The following BCL2L14 variants were observed in gnomAD, a reference collection of about 807,000 sequenced individuals.
BCL2L14 encodes the protein apoptosis facilitator Bcl-2-like protein 14.
Under a neutral mutation model 35.3 loss-of-function variants are expected in BCL2L14, and 27 were observed. The ratio of observed to expected loss-of-function variants is 0.76; its 90% CI spans 0.56 to 1.05. BCL2L14 has a LOEUF of 1.05. Ranked by LOEUF, BCL2L14 falls within the 50% of genes least tolerant of loss-of-function variation. BCL2L14 has a pLI of 0.00. For synonymous variants in BCL2L14, 139 were observed against 145.9 expected (o/e 0.95, Z 0.34); for missense variants, 377 against 382.6 (o/e 0.99, Z 0.12).
intron 2 of BCL2L14, among the ~76,000 whole-genome samples, chr12:12,083,121 C>A (rs375009943): frequency 9.6e-4 from 146 of 152,230 alleles, no homozygotes; most frequent in African/African-American, 3.0e-3. Context: ...CCCACCACCA[C>A]GCCCGGCTAA....
intron 2 of BCL2L14, among the ~76,000 whole-genome samples, chr12:12,083,400 G>A (rs1948971095): frequency 6.6e-6 from 1 of 152,356 alleles, no homozygotes; most frequent in East Asian, 1.9e-4. Context: ...TCAGGATGCA[G>A]AGAAATGGAC....
chr12:12,095,775 T>C, intron 5 of BCL2L14: 1 of 985,390 alleles, frequency 1.0e-6, no homozygotes, highest in Non-Finnish European at 1.2e-6. Flanking sequence ...TCTTTGCTGA[T>C]GGAAGGAAAG....
chr12:12,077,537 C>CAA lies in BCL2L14; in HGVS notation c.-7-1746_-7-1745dup, dbSNP rs58644458. Among the ~76,000 whole-genome samples, 1,068 of 112,992 alleles carry CAA rather than the reference C, an allele frequency of 9.5e-3. 14 individuals carry two copies. Among genetic ancestry groups the CAA allele is most frequent in the African/African-American group, 0.016 (472 of 28,692 alleles). 74.1% of individuals were successfully genotyped at this position (112,992 alleles called of 152,430 possible). A position where few individuals can be genotyped will look rare whatever the true frequency, so the allele number is the denominator to read the frequency against. ...TGGGCAACAGAGCAAAACTGAGTCTCAAAAAAAAAAAAAAAAAGAGAGCCT... is the reference window on the plus strand; with the variant it reads ...TGGGCAACAGAGCAAAACTGAGTCTCAAAAAAAAAAAAAAAAAAAGAGAGCCT... On this transcript the variant is annotated intron_variant, in intron 1 of 5. Transcript: ENST00000308721.
chr12:12,094,107 TAA>T (rs55947114), intron 4 of BCL2L14, among the ~76,000 whole-genome samples: 3 of 142,762 alleles, frequency 2.1e-5, no homozygotes, highest in Non-Finnish European at 3.0e-5. Context: ...AACCCTGTCT[TAA>T]AAAAAAAAAA....
upstream of BCL2L14, among the ~76,000 whole-genome samples, chr12:12,069,427 C>T (rs1375551785): frequency 1.3e-5 from 2 of 151,928 alleles, no homozygotes; most frequent in African/African-American, 2.4e-5. Flanking sequence ...TGGCCAGGCG[C>T]GGTGGCTCAC....
chr12:12,098,348 A>G (rs1949359509), intron 5 of BCL2L14, among the ~76,000 whole-genome samples: 1 of 152,172 alleles, frequency 6.6e-6, no homozygotes, highest in Non-Finnish European at 1.5e-5. Flanking sequence ...CATCTTCCCA[A>G]CTAAACTGCA....
At chr12:12,088,165 T>C (rs139205481) in intron 3 of BCL2L14, among the ~76,000 whole-genome samples, 11 of 152,246 alleles carry the variant, frequency 7.2e-5, no homozygotes, top group Admixed American at 2.6e-4. Context: ...AGAGGTTTAA[T>C]AGGCAAAACA....
At chr12:12,065,615 G>A (rs1565447991) in intron 2 of BCL2L14, among the ~76,000 whole-genome samples, 1 of 151,830 alleles carries the variant, frequency 6.6e-6, no homozygotes, top group Non-Finnish European at 1.5e-5. Context: ...ACTGTGGGAA[G>A]GTAAGTAGAT....
chr12:12,095,285 C>G, intron 5 of BCL2L14: 4 of 985,334 alleles, frequency 4.1e-6, no homozygotes, highest in Non-Finnish European at 4.8e-6. Context: ...GAGACAAGGG[C>G]AGGCAGACAG....
intron 2 of BCL2L14, among the ~76,000 whole-genome samples, chr12:12,083,620 A>T (rs1199473576): frequency 6.6e-6 from 1 of 152,178 alleles, no homozygotes; most frequent in Non-Finnish European, 1.5e-5. Flanking sequence ...CAGCTCAGGC[A>T]TGATATGACA....
chr12:12,069,687 G>A (rs186793291), upstream of BCL2L14, among the ~76,000 whole-genome samples: 501 of 142,114 alleles, frequency 3.5e-3, 2 homozygotes, highest in Non-Finnish European at 5.9e-3. Context: ...CAGCCTGGGC[G>A]ACAGAGCAAG....
chr12:12,094,851 C>T lies in BCL2L14; in HGVS notation c.866C>T (p.Pro289Leu), dbSNP rs1247552756. 1.1e-5 allele frequency: 18 copies of T among 1,614,056 alleles called. No individual in the cohort carries two copies. The highest frequency in any genetic ancestry group is 1.4e-5 in the Non-Finnish European group (16 of 1,180,046). The stretch of plus-strand genomic sequence containing the variant: ...AAGCTCACAGCTATTGACAACCACC[C>T]GATGAACAGGGTCCTGGGCTTTGGC... Reference protein sequence around the residue: ...TAKLTAIDNHPMNRVLGFGTK... With the variant: ...TAKLTAIDNHLMNRVLGFGTK... The change falls in exon 5 of 6, where the codon CCG (proline) becomes CTG (leucine). Residue 289 changes from proline (P) to leucine (L), a missense_variant. Pro to Leu is a moderately conservative substitution (Grantham distance 98, BLOSUM62 -3). Transcript: ENST00000308721.
intron 1 of BCL2L14, among the ~76,000 whole-genome samples, chr12:12,051,129 A>C (rs1220380091): frequency 1.3e-5 from 2 of 152,216 alleles, no homozygotes; most frequent in Non-Finnish European, 2.9e-5. Context: ...ACCAGACAGC[A>C]GTGAGCAGGG....
chr12:12,095,036 C>G, intron 5 of BCL2L14, 106 bp downstream of exon 5: 1 of 1,470,100 alleles, frequency 6.8e-7, no homozygotes, highest in Non-Finnish European at 8.9e-7. Flanking sequence ...AAGCAGTTCT[C>G]ATGAGTTTAG....
intron 2 of BCL2L14, among the ~76,000 whole-genome samples, chr12:12,085,589 A>C (rs962151096): frequency 3.3e-5 from 5 of 152,170 alleles, no homozygotes; most frequent in Non-Finnish European, 7.3e-5. Context: ...AACCCTGTGG[A>C]CTAACCATGG....
upstream of BCL2L14, among the ~76,000 whole-genome samples, chr12:12,069,092 T>C (rs1045112160): frequency 3.9e-5 from 6 of 152,214 alleles, no homozygotes; most frequent in Admixed American, 1.3e-4. Flanking sequence ...TGGCATATAA[T>C]GAGCTGTGAG....
At chr12:12,076,547 G>T (rs73289709) in intron 1 of BCL2L14, among the ~76,000 whole-genome samples, 1,870 of 151,498 alleles carry the variant, frequency 0.012, 33 homozygotes, top group African/African-American at 0.043. Context: ...TTGTATAATT[G>T]TATCTGTGTA....
chr12:12,062,042 T>C (rs956538344), intron 2 of BCL2L14, among the ~76,000 whole-genome samples: 1 of 152,120 alleles, frequency 6.6e-6, no homozygotes, highest in Non-Finnish European at 1.5e-5. Flanking sequence ...CAGTGGCTGC[T>C]GCCGCCCTAA....
chr12:12,094,387 C>A, intron 4 of BCL2L14: 1 of 846,282 alleles, frequency 1.2e-6, no homozygotes, highest in African/African-American at 1.7e-5. Flanking sequence ...ATACTACCTG[C>A]CCATTATAAG....
Sources: allele counts gnomAD v4.1 joint callset (sites outside exome capture counted in the v4.1 genomes callset), GRCh38; gene constraint gnomAD v4.1.1; transcripts MANE v1.5; gene names NCBI Gene and HGNC (gene_info 2026-07-23, HGNC 2026-07-21).